Variants in XKR6 observed in about 807,000 individuals in gnomAD.
XKR6 encodes the protein XK-related protein 6.
A neutral mutation model predicts 56.7 loss-of-function variants in XKR6; 22 were observed. That is an observed-to-expected ratio of 0.39 (90% CI 0.28 to 0.55). The LOEUF (loss-of-function observed/expected upper bound fraction) is 0.55, where lower values mean the gene tolerates loss of function less well. Among genes scored for constraint, XKR6 ranks in the 20% least tolerant of loss-of-function variants. The probability of loss-of-function intolerance (pLI) is 0.66; values close to 1 mark genes in which losing one functional copy is unlikely to be tolerated. For synonymous variants in XKR6, 524 were observed against 387.8 expected, an observed-to-expected ratio of 1.35 and a Z score of -4.13; for missense variants, 852 against 889.0, an observed-to-expected ratio of 0.96 and a Z score of 0.53.
chr8:11,193,170 C>A (rs1803675836), intron 1 of XKR6, among the ~76,000 whole-genome samples: 2 of 152,130 alleles, frequency 1.3e-5, no homozygotes, highest in African/African-American at 4.8e-5. Context: ...TAATTTCTTC[C>A]TAGAAATGAA....
chr8:10,912,621 G>A (rs1010728717), intron 2 of XKR6, among the ~76,000 whole-genome samples: 1 of 141,572 alleles, frequency 7.1e-6, no homozygotes, highest in African/African-American at 2.7e-5. Flanking sequence ...GGGTGTGTGA[G>A]TATATATATG....
intron 1 of XKR6, among the ~76,000 whole-genome samples, chr8:10,977,880 C>T (rs1308633076): frequency 6.6e-6 from 1 of 151,766 alleles, no homozygotes. Flanking sequence ...AAGTGTGGAC[C>T]CTCAATAAAT....
chr8:10,953,695 A>C (rs893047282), intron 1 of XKR6, among the ~76,000 whole-genome samples: 58 of 152,254 alleles, frequency 3.8e-4, no homozygotes, highest in African/African-American at 1.3e-3. Flanking sequence ...TTACCCCTTT[A>C]AGATGTATAA....
In XKR6 at chr8:11,179,001, C is replaced by A. The variant is rs558423376; in HGVS notation, c.764+21575G>T. ...AGAACTACAGGCATACACGACCACA[C>A]CTGGCTAATTTTCTTTTTCTTTTTT... On this transcript the variant is annotated intron_variant, in intron 1 of 2. Transcript: ENST00000416569. Among the ~76,000 whole-genome samples, 110 of 149,378 alleles carry A rather than the reference C, an allele frequency of 7.4e-4. 1 individual carries two copies. In the Middle Eastern group the frequency reaches 0.01, roughly 14 times the overall value.
At chr8:10,951,519 G>A (rs1200142590) in intron 1 of XKR6, among the ~76,000 whole-genome samples, 1 of 152,224 alleles carries the variant, frequency 6.6e-6, no homozygotes, top group Non-Finnish European at 1.5e-5. Context: ...GTGGCTACCA[G>A]TCTGTTTCAC....
intron 1 of XKR6, among the ~76,000 whole-genome samples, chr8:11,154,076 C>T (rs1007338571): frequency 6.6e-6 from 1 of 152,148 alleles, no homozygotes; most frequent in Admixed American, 6.5e-5. Context: ...CCTTTGCCCT[C>T]GGCTAGTGGG....
chr8:11,012,005 A>G (rs1798511207), intron 1 of XKR6, among the ~76,000 whole-genome samples: 1 of 152,214 alleles, frequency 6.6e-6, no homozygotes. Context: ...GGGTGTCCAC[A>G]TGTCTGTGAC....
chr8:11,037,857 CA>C (rs61377795), intron 1 of XKR6, among the ~76,000 whole-genome samples: 46,065 of 100,820 alleles, frequency 0.46, 10,185 homozygotes, highest in African/African-American at 0.72. Context: ...GACTTGGTTT[CA>C]AAAAAAAAAA....
chr8:11,199,459 G>A (rs1272700535), intron 1 of XKR6, among the ~76,000 whole-genome samples: 1 of 152,240 alleles, frequency 6.6e-6, no homozygotes, highest in South Asian at 2.1e-4. Flanking sequence ...TACTAAGCTT[G>A]GAGTCAGGGC....
intron 1 of XKR6, among the ~76,000 whole-genome samples, chr8:11,032,388 G>A (rs1377204663): frequency 2.6e-5 from 4 of 152,246 alleles, no homozygotes; most frequent in Admixed American, 1.3e-4. Context: ...TGTTTGTGGT[G>A]TGAAAGACAG....
intron 1 of XKR6, among the ~76,000 whole-genome samples, chr8:11,092,390 G>A (rs1282016648): frequency 1.3e-5 from 2 of 152,150 alleles, no homozygotes; most frequent in Non-Finnish European, 2.9e-5. Context: ...TTTAGTTTTA[G>A]AATTCTGGTT....
At chr8:10,920,633 A>G (rs774441601) in intron 2 of XKR6, among the ~76,000 whole-genome samples, 25 of 152,258 alleles carry the variant, frequency 1.6e-4, no homozygotes, top group African/African-American at 3.4e-4. Context: ...AAAAGATTGG[A>G]ATGGCATCTA....
intron 1 of XKR6, chr8:11,137,156 G>A (rs1442787545): frequency 2.5e-5 from 4 of 161,542 alleles, no homozygotes; most frequent in Non-Finnish European, 4.0e-5. Flanking sequence ...GGTTAACCTT[G>A]CTCTAGCTCC....
chr8:10,967,804 G>A (rs894678750), intron 1 of XKR6, among the ~76,000 whole-genome samples: 4 of 152,184 alleles, frequency 2.6e-5, no homozygotes, highest in Admixed American at 1.3e-4. Context: ...TGCTCCTGGC[G>A]GGTGGGGTGA....
chr8:11,175,397 C>A, intron 1 of XKR6: 1 of 180,286 alleles, frequency 5.5e-6, no homozygotes. Context: ...TAAGATGCAC[C>A]GTCGGACTTA....
chr8:10,937,898 G>T (rs1038498788), intron 1 of XKR6, among the ~76,000 whole-genome samples: 5 of 151,974 alleles, frequency 3.3e-5, no homozygotes, highest in African/African-American at 1.2e-4. Flanking sequence ...ACAGAGGCAG[G>T]CAGGCCTCCT....
At chr8:11,112,575 A>G (rs1798955359) in intron 1 of XKR6, among the ~76,000 whole-genome samples, 1 of 152,236 alleles carries the variant, frequency 6.6e-6, no homozygotes, top group African/African-American at 2.4e-5. Context: ...AGCTTATTTA[A>G]TTATTCCACA....
At chr8:10,986,595 G>A (rs1797869753) in intron 1 of XKR6, among the ~76,000 whole-genome samples, 1 of 152,142 alleles carries the variant, frequency 6.6e-6, no homozygotes, top group African/African-American at 2.4e-5. Context: ...AAGTGTGTGG[G>A]AGGCAGTAGA....
At chr8:11,056,428 C>T (rs1449981386) in intron 1 of XKR6, among the ~76,000 whole-genome samples, 1 of 152,220 alleles carries the variant, frequency 6.6e-6, no homozygotes, top group Non-Finnish European at 1.5e-5. Flanking sequence ...CCTGGGTAAA[C>T]ATCCCCTGTG....
Sources: gnomAD v4.1 joint callset for allele counts (sites outside exome capture counted in the v4.1 genomes callset) on GRCh38, gnomAD v4.1.1 for gene constraint, MANE v1.5 for transcripts, NCBI Gene and HGNC (gene_info 2026-07-23, HGNC 2026-07-21) for gene names.